Variants in CAMK4 observed in about 807,000 individuals in gnomAD.
CAMK4 encodes the protein calcium/calmodulin dependent protein kinase IV.
In CAMK4, 22 loss-of-function variants were observed where a neutral mutation model predicts 44.9. That is an observed-to-expected ratio of 0.49 (90% confidence interval 0.35 to 0.70). The LOEUF is 0.70. CAMK4 is among the 30% of genes least tolerant of loss of function. CAMK4 has a pLI of 0.01. For missense variants in CAMK4, 498 were observed against 586.8 expected (o/e 0.85, Z 1.56); for synonymous variants, 218 against 215.4 (o/e 1.01, Z -0.11).
intron 2 of CAMK4, among the ~76,000 whole-genome samples, chr5:111,350,257 T>A (rs1248636186): frequency 4.6e-5 from 7 of 152,096 alleles, no homozygotes; most frequent in African/African-American, 7.2e-5. Flanking sequence ...ATTATTCTTA[T>A]TAATTGCAAT....
chr5:111,407,981 C>T (rs891205051), intron 5 of CAMK4, among the ~76,000 whole-genome samples: 1 of 151,932 alleles, frequency 6.6e-6, no homozygotes, highest in African/African-American at 2.4e-5. Flanking sequence ...CAAAATTAGC[C>T]GGGCATGGTC....
chr5:111,296,592 T>G (rs1031080433), intron 1 of CAMK4, among the ~76,000 whole-genome samples: 4 of 152,216 alleles, frequency 2.6e-5, no homozygotes, highest in African/African-American at 9.6e-5. Flanking sequence ...TTGCCAAATA[T>G]TCATATAAAT....
At chr5:111,443,074 G>A (rs903613227) in intron 5 of CAMK4, among the ~76,000 whole-genome samples, 8 of 147,852 alleles carry the variant, frequency 5.4e-5, no homozygotes, top group Admixed American at 1.4e-4. Flanking sequence ...TATCTTTTTG[G>A]GAAAAGAAAA....
Position 111,463,039 on chromosome 5 carries a change from A to C in CAMK4, c.626-10272A>C, listed in dbSNP as rs1009615032. ...GGAAGTCTGGCATCTTGAGAATTCTAAGACCGTTTACCAAACTTATTCTGC... is the reference window on the plus strand; with the variant it reads ...GGAAGTCTGGCATCTTGAGAATTCTCAGACCGTTTACCAAACTTATTCTGC... On this transcript the variant is annotated intron_variant, in intron 7 of 10. Transcript: ENST00000282356. Among the ~76,000 whole-genome samples the C allele has an allele frequency of 2.4e-4, 37 of 152,196 alleles. 1 individual carries two copies. The highest frequency in any genetic ancestry group is 8.7e-4 in the African/African-American group (36 of 41,446).
rs181431186 is a variant in CAMK4, at chr5:111,382,639, G to A, written c.386+5697G>A. 1.6e-3 allele frequency among the ~76,000 whole-genome samples: 247 copies of A among 152,268 alleles called. 2 individuals carry two copies. The highest frequency in any genetic ancestry group is 0.016 in the South Asian group (75 of 4,820). Reference sequence around the variant, plus strand: ...ATCATTAGAGCAACACATATATAAAGTAGGCTTTGATATATACATTTTATA... The same window carrying A: ...ATCATTAGAGCAACACATATATAAAATAGGCTTTGATATATACATTTTATA... On this transcript the variant is annotated intron_variant, in intron 4 of 10. Transcript: ENST00000282356.
At chr5:111,454,126 A>G (rs1754333490) in intron 7 of CAMK4, among the ~76,000 whole-genome samples, 3 of 152,334 alleles carry the variant, frequency 2.0e-5, no homozygotes, top group African/African-American at 7.2e-5. Context: ...TTTACAATAC[A>G]GAGACTTTAC....
intron 2 of CAMK4, among the ~76,000 whole-genome samples, chr5:111,349,848 G>A (rs1204819719): frequency 6.6e-6 from 1 of 151,892 alleles, no homozygotes; most frequent in African/African-American, 2.4e-5. Flanking sequence ...ACAGATATTT[G>A]AACTTCAGAA....
intron 5 of CAMK4, among the ~76,000 whole-genome samples, chr5:111,438,119 A>G (rs1282161411): frequency 1.3e-5 from 2 of 152,198 alleles, no homozygotes; most frequent in East Asian, 3.8e-4. Flanking sequence ...TGAACACTTA[A>G]GTTGATGGAG....
At chr5:111,453,494 G>A (rs896763416) in intron 7 of CAMK4, among the ~76,000 whole-genome samples, 12 of 152,132 alleles carry the variant, frequency 7.9e-5, no homozygotes, top group African/African-American at 2.9e-4. Flanking sequence ...TTGGTGGGGA[G>A]GAAACTGTCC....
intron 4 of CAMK4, among the ~76,000 whole-genome samples, chr5:111,393,743 A>G (rs1751895358): frequency 6.6e-6 from 1 of 152,080 alleles, no homozygotes; most frequent in South Asian, 2.1e-4. Context: ...AGGAGAGAGA[A>G]GATCAGGAAA....
intron 5 of CAMK4, among the ~76,000 whole-genome samples, chr5:111,440,274 A>G (rs1753779471): frequency 6.6e-6 from 1 of 152,212 alleles, no homozygotes; most frequent in African/African-American, 2.4e-5. Flanking sequence ...GCACTAAGGG[A>G]TGGCTCTGGA....
chr5:111,447,193 T>G (rs1754060099), intron 6 of CAMK4, among the ~76,000 whole-genome samples: 1 of 152,168 alleles, frequency 6.6e-6, no homozygotes, highest in Non-Finnish European at 1.5e-5. Flanking sequence ...TAGCACATAT[T>G]AGTGAGTCTA....
intron 1 of CAMK4, among the ~76,000 whole-genome samples, chr5:111,291,978 T>G (rs1747281663): frequency 6.6e-6 from 1 of 152,256 alleles, no homozygotes; most frequent in Non-Finnish European, 1.5e-5. Flanking sequence ...TTTAATAATT[T>G]GCAGGTGCTT....
intron 1 of CAMK4, among the ~76,000 whole-genome samples, chr5:111,294,103 G>A (rs1033807705): frequency 6.6e-6 from 1 of 152,050 alleles, no homozygotes; most frequent in Non-Finnish European, 1.5e-5. Flanking sequence ...TCATTGGTTT[G>A]TATATATCCA....
intron 1 of CAMK4, among the ~76,000 whole-genome samples, chr5:111,276,378 C>A (rs767226321): frequency 6.6e-6 from 1 of 152,146 alleles, no homozygotes; most frequent in Non-Finnish European, 1.5e-5. Flanking sequence ...TATCTTGGGG[C>A]TGTTCGCCAC....
intron 4 of CAMK4, among the ~76,000 whole-genome samples, chr5:111,380,428 T>C (rs1300824632): frequency 1.3e-5 from 2 of 152,274 alleles, no homozygotes; most frequent in Middle Eastern, 3.4e-3. Context: ...CATGGCGATT[T>C]GTTGTACAGA....
chr5:111,230,477 G>A (rs10057913), intron 1 of CAMK4, among the ~76,000 whole-genome samples: 114,690 of 151,946 alleles, frequency 0.75, 45,053 homozygotes, highest in Non-Finnish European at 0.88. Context: ...TCAAGTGAAG[G>A]CTACGATAAC....
In CAMK4 at chr5:111,394,407, G is replaced by T. The variant is rs1043130180; in HGVS notation, c.387-303G>T. Among the ~76,000 whole-genome samples, 3 of 152,114 alleles carry T rather than the reference G, an allele frequency of 2.0e-5. No homozygotes were observed. The East Asian group carries it at 5.8e-4, about 29-fold the overall frequency. ...GACAATTACATGGGGGTGTTTCATT[G>T]TATAATATCTACTGGCATATGTTTA... On this transcript the variant is annotated intron_variant, in intron 4 of 10. Transcript: ENST00000282356.
rs1755474295 is a variant in CAMK4, at chr5:111,482,698, G to A, written c.829-87G>A. 1.8e-6 allele frequency: 2 copies of A among 1,112,776 alleles called. No homozygotes were observed. The highest frequency in any genetic ancestry group is 3.2e-5 in the South Asian group (2 of 63,228). 68.9% of individuals were successfully genotyped at this position (1,112,776 alleles called of 1,614,324 possible). ...ATATTTAGTGGTACTGCTGGGAAAT[G>A]GAATAAGATCTGGAAGTTTGTAAGC... On this transcript the variant is annotated intron_variant, in intron 9 of 10. Transcript: ENST00000282356. This position sits in a 1 kb window ranked among gnomAD's most constrained non-coding sequence, Gnocchi z 4.9.
Sources: allele counts gnomAD v4.1 joint callset (sites outside exome capture counted in the v4.1 genomes callset), GRCh38; gene constraint gnomAD v4.1.1; non-coding constraint Gnocchi (gnomAD v3.1); transcripts MANE v1.5; gene names NCBI Gene and HGNC (gene_info 2026-07-23, HGNC 2026-07-21).